Variants in ZNF638 observed in about 807,000 individuals in gnomAD.
The protein encoded by ZNF638 is CTCL tumor antigen se33-1.
ZNF638 carries 46 observed loss-of-function variants against 195.6 expected under a neutral mutation model. That is an observed-to-expected ratio of 0.24 (90% CI 0.19 to 0.30). The LOEUF is 0.30. Ranked by LOEUF, ZNF638 falls within the 10% of genes least tolerant of loss-of-function variation. ZNF638 has a pLI of 1.00. For synonymous variants in ZNF638, 845 were observed against 772.0 expected, an observed-to-expected ratio of 1.09 and a Z score of -1.57; for missense variants, 2,440 against 2,325.3, an observed-to-expected ratio of 1.05 and a Z score of -1.01.
chr2:71,417,907 C>T (rs1468121177), intron 20 of ZNF638, among the ~76,000 whole-genome samples: 1 of 152,166 alleles, frequency 6.6e-6, no homozygotes, highest in Admixed American at 6.5e-5. Context: ...TTTAGTCTGA[C>T]AAAATCTTTC....
At chr2:71,353,571 T>G (rs768143566) in intron 2 of ZNF638, among the ~76,000 whole-genome samples, 5 of 152,168 alleles carry the variant, frequency 3.3e-5, no homozygotes, top group Non-Finnish European at 5.9e-5. Flanking sequence ...TTACTGAGCT[T>G]AAAGCAAGTA....
chr2:71,396,323 T>A (rs2079893076), intron 11 of ZNF638, 132 bp downstream of exon 11: 3 of 690,154 alleles, frequency 4.3e-6, no homozygotes, highest in Non-Finnish European at 4.8e-6. Flanking sequence ...TTGAGATTTA[T>A]AATCATCTAG....
intron 3 of ZNF638, among the ~76,000 whole-genome samples, 172 bp downstream of exon 3, chr2:71,355,952 T>C (rs3771375): frequency 6.6e-6 from 1 of 152,236 alleles, no homozygotes; most frequent in African/African-American, 2.4e-5. Flanking sequence ...TTTTCCAAAA[T>C]GGTAGAATTC....
intron 4 of ZNF638, among the ~76,000 whole-genome samples, chr2:71,363,675 T>TTTTTC (rs2079146887): frequency 2.0e-5 from 3 of 152,224 alleles, no homozygotes; most frequent in Non-Finnish European, 2.9e-5. Context: ...ATAATGTTGG[T>TTTTTC]ACAGGAAAAA....
intron 21 of ZNF638, 61 bp downstream of exon 21, chr2:71,418,700 T>C (rs1043030059): frequency 1.9e-5 from 23 of 1,194,698 alleles, no homozygotes; most frequent in Non-Finnish European, 2.6e-5. Context: ...ATTTTATTGC[T>C]GTATTTTATA....
chr2:71,371,220 A>C (rs2079306118), intron 8 of ZNF638, among the ~76,000 whole-genome samples: 1 of 152,130 alleles, frequency 6.6e-6, no homozygotes, highest in Admixed American at 6.5e-5. Context: ...GTTATGTACC[A>C]CATTTTCTTT....
chr2:71,424,102 A>T, intron 22 of ZNF638, 64 bp downstream of exon 22: 1 of 1,537,162 alleles, frequency 6.5e-7, no homozygotes, highest in African/African-American at 1.4e-5. Context: ...TGCTGTAGCT[A>T]TGTAGTAGGA....
chr2:71,332,025 C>G, intron 1 of ZNF638, 150 bp downstream of exon 1: 77 of 273,142 alleles, frequency 2.8e-4, no homozygotes, highest in Non-Finnish European at 3.9e-4. Flanking sequence ...ACGGCGGGGG[C>G]GGGAGGAGGT....
intron 11 of ZNF638, among the ~76,000 whole-genome samples, chr2:71,397,365 C>A (rs1254049489): frequency 2.6e-5 from 4 of 152,098 alleles, no homozygotes; most frequent in South Asian, 2.1e-4. Context: ...TGGCAAAAGT[C>A]GTGAATGACA....
At chr2:71,341,334 G>A (rs1471901828) in intron 1 of ZNF638, among the ~76,000 whole-genome samples, 2 of 152,210 alleles carry the variant, frequency 1.3e-5, no homozygotes, top group East Asian at 1.9e-4. Context: ...CAGTTCAAAG[G>A]TTCAGCATGT....
At chr2:71,397,942 A>G (rs560292615) in intron 11 of ZNF638, among the ~76,000 whole-genome samples, 1 of 152,224 alleles carries the variant, frequency 6.6e-6, no homozygotes, top group East Asian at 1.9e-4. Flanking sequence ...CCTGACTATG[A>G]TATAAGTATT....
At chr2:71,383,356 C>T (rs931794795) in intron 10 of ZNF638, among the ~76,000 whole-genome samples, 2 of 152,094 alleles carry the variant, frequency 1.3e-5, no homozygotes, top group Admixed American at 6.6e-5. Flanking sequence ...GAGATAGATT[C>T]AGAAAGGTTA....
intron 2 of ZNF638, among the ~76,000 whole-genome samples, chr2:71,354,200 A>C (rs2078986244): frequency 6.6e-6 from 1 of 152,246 alleles, no homozygotes; most frequent in Admixed American, 6.5e-5. Flanking sequence ...ATTTTCCTTA[A>C]GCAAAGTGTT....
At position 71,348,805 on chromosome 2, in the gene ZNF638, G is replaced by A. The variant is rs941103247; in HGVS notation, c.-150G>A. ...ACCACTTGTGAATTCCTTGAACCTG[G>A]GCATTGCAAACCCACTTCTGTTGGG... On this transcript the variant is annotated 5_prime_UTR_variant, in exon 2 of 28. Coordinates refer to ENST00000264447, the MANE Select transcript of ZNF638 (RefSeq NM_014497.5). The A allele has an allele frequency of 6.3e-7, 1 of 1,580,128 alleles. No individual in the cohort carries two copies. The highest frequency in any genetic ancestry group is 1.3e-5 in the African/African-American group (1 of 74,584).
chr2:71,365,322 TG>T, intron 5 of ZNF638, 106 bp from the exon 6 acceptor site: 1 of 894,042 alleles, frequency 1.1e-6, no homozygotes, highest in Non-Finnish European at 1.6e-6. Context: ...TTGTATTGTC[TG>T]TGTGCTCCCT....
Position 71,427,849 on chromosome 2 carries a change from A to G in ZNF638, c.5545+435A>G, listed in dbSNP as rs763179210. Among the ~76,000 whole-genome samples the G allele has an allele frequency of 2.7e-4, 41 of 151,890 alleles. 1 individual carries two copies. Among genetic ancestry groups the G allele is most frequent in the Middle Eastern group, 3.4e-3 (1 of 294 alleles). The stretch of plus-strand genomic sequence containing the variant: ...TAATATTGTAATGATACAGAATAGT[A>G]CGGCAGCTCACTTTCCGAACTTGAG... On this transcript the variant is annotated intron_variant, in intron 24 of 27. Coordinates refer to ENST00000264447, the MANE Select transcript of ZNF638 (RefSeq NM_014497.5).
chr2:71,420,680 C>A (rs929047769), intron 21 of ZNF638, among the ~76,000 whole-genome samples: 2 of 152,154 alleles, frequency 1.3e-5, no homozygotes, highest in Middle Eastern at 3.2e-3. Context: ...TTTTCTGTTC[C>A]ATTTCCCAGA....
chr2:71,337,137 GT>G (rs34895501), intron 1 of ZNF638, among the ~76,000 whole-genome samples: 2,622 of 138,152 alleles, frequency 0.019, 23 homozygotes, highest in East Asian at 0.046. Context: ...ATTGCCTATA[GT>G]TTTTTTTTTT....
At chr2:71,365,369 T>C in intron 5 of ZNF638, 60 bp from the exon 6 acceptor site, 1 of 1,353,774 alleles carries the variant, frequency 7.4e-7, no homozygotes. Context: ...GATTATGTCA[T>C]GAGATGGCTC....
Sources: gnomAD v4.1 joint callset for allele counts (sites outside exome capture counted in the v4.1 genomes callset) on GRCh38, gnomAD v4.1.1 for gene constraint, MANE v1.5 for transcripts, NCBI Gene and HGNC (gene_info 2026-07-23, HGNC 2026-07-21) for gene names.